LIMCH1: variants seen among roughly 807,000 people sequenced by gnomAD.
The protein encoded by LIMCH1 is LIM and calponin homology domains 1.
A neutral mutation model predicts 176.5 loss-of-function variants in LIMCH1; 113 were observed. That is an observed-to-expected ratio of 0.64 (90% confidence interval 0.55 to 0.75). The LOEUF is 0.75. Ranked by LOEUF, LIMCH1 falls within the 30% of genes least tolerant of loss-of-function variation. LIMCH1 has a pLI of 0.00. For missense variants in LIMCH1, 1,674 were observed against 1,814.9 expected (o/e 0.92, Z 1.41); for synonymous variants, 619 against 645.9 (o/e 0.96, Z 0.63).
chr4:41,675,107 G>A (rs988499898), intron 22 of LIMCH1, among the ~76,000 whole-genome samples: 11 of 152,168 alleles, frequency 7.2e-5, no homozygotes, highest in Non-Finnish European at 1.6e-4. Flanking sequence ...AAGCACAGCA[G>A]CAAGAGTACA....
At chr4:41,453,999 C>T (rs981090410) in intron 1 of LIMCH1, among the ~76,000 whole-genome samples, 1 of 152,184 alleles carries the variant, frequency 6.6e-6, no homozygotes, top group Non-Finnish European at 1.5e-5. Context: ...AACACCAAGT[C>T]ATCCTTCCTA....
In LIMCH1 at chr4:41,419,692, CT is replaced by C. The variant is rs1458959151; in HGVS notation, c.96+58758del. On this transcript the variant is annotated intron_variant, in intron 1 of 26. Coordinates refer to the LIMCH1 transcript ENST00000313860. ...TCCTTCCTTCCTTCCTCCTTCCTTCCTTCCTTCCTTCCTTCCTTCCTTCCTT... is the reference window on the plus strand; with the variant it reads ...TCCTTCCTTCCTTCCTCCTTCCTTCCTCCTTCCTTCCTTCCTTCCTTCCTT... Among the ~76,000 whole-genome samples the C allele has an allele frequency of 4.0e-3, 360 of 90,592 alleles. 22 individuals are homozygous for C. The highest frequency in any genetic ancestry group is 0.021 in the African/African-American group (314 of 14,862). 59.4% of individuals were successfully genotyped at this position (90,592 alleles called of 152,430 possible).
At position 41,698,748 on chromosome 4, in the gene LIMCH1, A is replaced by G. The variant is rs899484666; in HGVS notation, c.*1563A>G. The G allele has an allele frequency of 6.6e-6, 1 of 152,646 alleles. No individual in the cohort carries two copies. The highest frequency in any genetic ancestry group is 1.5e-5 in the Non-Finnish European group (1 of 68,026). 9.5% of individuals were successfully genotyped at this position (152,646 alleles called of 1,614,324 possible). ...GGTTCTTTGCATGTGGGTTCCATAT[A>G]GGTGCAGAAATTTCCTCAGCCACTG... On this transcript the variant is annotated 3_prime_UTR_variant, in exon 32 of 32. Transcript: ENST00000503057.
intron 1 of LIMCH1, among the ~76,000 whole-genome samples, chr4:41,557,354 T>C (rs549769002): frequency 6.6e-6 from 1 of 152,248 alleles, no homozygotes; most frequent in South Asian, 2.1e-4. Context: ...CATGTACTAG[T>C]GTGCATAAAA....
Position 41,494,540 on chromosome 4 carries a change from T to C in LIMCH1, c.101T>C (p.Val34Ala), listed in dbSNP as rs1000171694. 1 of 1,610,874 alleles carries C rather than the reference T, an allele frequency of 6.2e-7. No individual in the cohort carries two copies. The highest frequency in any genetic ancestry group is 1.7e-5 in the Admixed American group (1 of 59,476). The change falls in exon 2 of 27, where the codon GTA (valine) becomes GCA (alanine). Residue 34 changes from valine (V) to alanine (A), a missense_variant. By Grantham distance (64) the Val-to-Ala change is moderately conservative. Coordinates refer to the LIMCH1 transcript ENST00000313860. ...TTTTTCTTTTCTTTTTTGCAGCAAG[T>C]AACTGGCAGAAGTTTTGGTGATAAA... is the stretch of plus-strand genomic sequence containing the variant.
intron 9 of LIMCH1, among the ~76,000 whole-genome samples, chr4:41,630,236 G>A (rs980177243): frequency 6.6e-6 from 1 of 152,120 alleles, no homozygotes; most frequent in African/African-American, 2.4e-5. Context: ...AAAGTGCTGG[G>A]ATTACAGGCA....
intron 10 of LIMCH1, among the ~76,000 whole-genome samples, 177 bp from the exon 11 acceptor site, chr4:41,632,572 G>T (rs1462516362): frequency 6.6e-6 from 1 of 152,142 alleles, no homozygotes; most frequent in Non-Finnish European, 1.5e-5. Flanking sequence ...ATAGGCCCTA[G>T]CCAGAGTTCA....
intron 22 of LIMCH1, among the ~76,000 whole-genome samples, chr4:41,674,750 G>C (rs1403774598): frequency 6.6e-6 from 1 of 152,190 alleles, no homozygotes; most frequent in African/African-American, 2.4e-5. Flanking sequence ...CCTATTTTAT[G>C]ATAAAGTGTT....
At chr4:41,617,303 A>G (rs2092187113) in intron 5 of LIMCH1, among the ~76,000 whole-genome samples, 1 of 152,186 alleles carries the variant, frequency 6.6e-6, no homozygotes, top group Admixed American at 6.5e-5. Context: ...TCACAGAGGA[A>G]AGAACTTTGG....
chr4:41,497,431 A>G (rs1263672574), intron 2 of LIMCH1, among the ~76,000 whole-genome samples: 4 of 152,206 alleles, frequency 2.6e-5, no homozygotes, highest in Non-Finnish European at 2.9e-5. Flanking sequence ...TCTAAGGAAT[A>G]TTATTATACC....
At chr4:41,639,620 G>A (rs1004310781) in intron 14 of LIMCH1, among the ~76,000 whole-genome samples, 3 of 152,116 alleles carry the variant, frequency 2.0e-5, no homozygotes, top group African/African-American at 7.2e-5. Context: ...AATTTGAGAA[G>A]ACTCCAAACC....
chr4:41,471,027 C>CTT (rs34026751), intron 1 of LIMCH1, among the ~76,000 whole-genome samples: 1,618 of 131,294 alleles, frequency 0.012, 16 homozygotes, highest in African/African-American at 0.029. Context: ...CAAACTAAGA[C>CTT]TTTTTTTTTT....
chr4:41,672,592 A>G (rs752365113), intron 22 of LIMCH1, among the ~76,000 whole-genome samples: 2 of 152,188 alleles, frequency 1.3e-5, no homozygotes, highest in African/African-American at 2.4e-5. Context: ...AATAACTGTA[A>G]TGTTGCTTTC....
chr4:41,592,321 G>C (rs2087757370), intron 1 of LIMCH1, among the ~76,000 whole-genome samples: 1 of 152,196 alleles, frequency 6.6e-6, no homozygotes, highest in Non-Finnish European at 1.5e-5. Context: ...ATTTCTGTGG[G>C]TTAATTACAA....
At chr4:41,522,978 G>A (rs1240416266) in intron 2 of LIMCH1, among the ~76,000 whole-genome samples, 1 of 152,090 alleles carries the variant, frequency 6.6e-6, no homozygotes, top group Non-Finnish European at 1.5e-5. Context: ...TCTGAGTACC[G>A]CCTCTTGGTA....
intron 1 of LIMCH1, among the ~76,000 whole-genome samples, chr4:41,441,450 T>A (rs1358716514): frequency 6.6e-6 from 1 of 152,218 alleles, no homozygotes; most frequent in Non-Finnish European, 1.5e-5. Context: ...TCGGTCATTT[T>A]TTTTTCACTT....
At chr4:41,460,914 C>T (rs1296941911) in intron 1 of LIMCH1, among the ~76,000 whole-genome samples, 1 of 152,116 alleles carries the variant, frequency 6.6e-6, no homozygotes, top group Non-Finnish European at 1.5e-5. Flanking sequence ...GCACATTGGC[C>T]CATTGGAAAT....
At chr4:41,399,361 A>G (rs2058132994) in intron 1 of LIMCH1, among the ~76,000 whole-genome samples, 1 of 152,216 alleles carries the variant, frequency 6.6e-6, no homozygotes, top group African/African-American at 2.4e-5. Context: ...TCAGAAGGTG[A>G]AGAAATATTG....
At chr4:41,369,959 T>TGTGTGTGTGTGTGTGTGGGTGTGTG in intron 1 of LIMCH1, among the ~76,000 whole-genome samples, 1 of 144,220 alleles carries the variant, frequency 6.9e-6, no homozygotes, top group Non-Finnish European at 1.5e-5. Context: ...TGTGTGTGTG[T>TGTGTGTGTGTGTGTGTGGGTGTGTG]TTTGTAGTGA....
Sources: gnomAD v4.1 joint callset for allele counts (sites outside exome capture counted in the v4.1 genomes callset) on GRCh38, gnomAD v4.1.1 for gene constraint, MANE v1.5 for transcripts, NCBI Gene and HGNC (gene_info 2026-07-23, HGNC 2026-07-21) for gene names.